The following CPLX2 variants were observed in gnomAD, a reference collection of about 807,000 sequenced individuals.
CPLX2 encodes complexin-2.
In CPLX2, 5 loss-of-function variants were observed where a neutral mutation model predicts 16.3. The observed-to-expected ratio is 0.31, with a 90% CI of 0.16 to 0.64. CPLX2 has a LOEUF of 0.64. Ranked by LOEUF, CPLX2 falls within the 30% of genes least tolerant of loss-of-function variation. The pLI, the probability that CPLX2 is intolerant of heterozygous loss-of-function variation, is 0.79. For synonymous variants in CPLX2, 89 were observed against 73.2 expected, an observed-to-expected ratio of 1.22 and a Z score of -1.10; for missense variants, 144 against 181.4, an observed-to-expected ratio of 0.79 and a Z score of 1.18.
At chr5:175,797,327 C>T (rs1373926449) in intron 1 of CPLX2, among the ~76,000 whole-genome samples, 3 of 152,122 alleles carry the variant, frequency 2.0e-5, no homozygotes, top group South Asian at 2.1e-4. Flanking sequence ...CGCGCGTCTC[C>T]GGCTTGGGTC....
At chr5:175,802,618 A>G (rs1758120534) in intron 1 of CPLX2, among the ~76,000 whole-genome samples, 1 of 152,176 alleles carries the variant, frequency 6.6e-6, no homozygotes, top group Non-Finnish European at 1.5e-5. Flanking sequence ...CTCTCACATC[A>G]GGAACACCTC....
upstream of CPLX2, among the ~76,000 whole-genome samples, chr5:175,869,216 C>T (rs1038039312): frequency 6.6e-6 from 1 of 152,226 alleles, no homozygotes; most frequent in Non-Finnish European, 1.5e-5. Flanking sequence ...AATGAAGTCA[C>T]CAAAACTTGG....
intron 1 of CPLX2, among the ~76,000 whole-genome samples, chr5:175,874,948 G>A (rs1581104551): frequency 6.6e-6 from 1 of 152,180 alleles, no homozygotes; most frequent in African/African-American, 2.4e-5. Context: ...AATTCAGGAG[G>A]AGATTCCAGA....
At chr5:175,824,106 C>T (rs1436116343) in intron 2 of CPLX2, among the ~76,000 whole-genome samples, 1 of 152,226 alleles carries the variant, frequency 6.6e-6, no homozygotes, top group Non-Finnish European at 1.5e-5. Context: ...TGGACATCCA[C>T]TCCAGGGGTC....
At position 175,849,020 on chromosome 5, in the gene CPLX2, GT is replaced by G. The variant is rs1434987621; in HGVS notation, c.-88-29631del. 6.6e-6 allele frequency among the ~76,000 whole-genome samples: 1 copy of G among 152,210 alleles called. No homozygotes were observed. The highest frequency in any genetic ancestry group is 2.4e-5 in the African/African-American group (1 of 41,444). On this transcript the variant is annotated intron_variant, in intron 2 of 4. Coordinates refer to the CPLX2 transcript ENST00000359546. This position sits in a 1 kb window ranked among gnomAD's most constrained non-coding sequence, Gnocchi z 4.4. ...AGAGTGACTGGATTGCATTCTACCT[GT>G]GCTGGTTTCTTCTAAGCCAATGGAG...
chr5:175,821,286 C>T (rs1758503754), intron 2 of CPLX2, among the ~76,000 whole-genome samples: 2 of 152,122 alleles, frequency 1.3e-5, no homozygotes, highest in African/African-American at 4.8e-5. Flanking sequence ...CAGGCCTCCA[C>T]CTTCTCTCCC....
At chr5:175,836,140 GGA>G (rs1758831809) in intron 2 of CPLX2, among the ~76,000 whole-genome samples, 1 of 152,120 alleles carries the variant, frequency 6.6e-6, no homozygotes, top group African/African-American at 2.4e-5. Flanking sequence ...CACGAGGTCA[GGA>G]GATCGAAACC....
intron 1 of CPLX2, among the ~76,000 whole-genome samples, chr5:175,874,919 C>T (rs1561791834): frequency 6.6e-6 from 1 of 152,014 alleles, no homozygotes; most frequent in Non-Finnish European, 1.5e-5. Flanking sequence ...ATGAAGACCA[C>T]AAGAGTGCTG....
At chr5:175,812,678 A>G (rs1229907273) in intron 2 of CPLX2, among the ~76,000 whole-genome samples, 2 of 152,176 alleles carry the variant, frequency 1.3e-5, no homozygotes, top group Non-Finnish European at 2.9e-5. Flanking sequence ...GCCAAGGGAC[A>G]GGGTGGTGCA....
At chr5:175,862,826 C>T (rs62387102) in intron 2 of CPLX2, among the ~76,000 whole-genome samples, 1 of 152,208 alleles carries the variant, frequency 6.6e-6, no homozygotes, top group South Asian at 2.1e-4. Context: ...ATGTGCTGAT[C>T]AGTCCAGCCC....
rs1759637235 is a variant in CPLX2 at position 175,872,045 on chromosome 5, G to A, written c.-89+340G>A. The A allele has an allele frequency of 6.6e-6, 1 of 152,310 alleles. No individual in the cohort carries two copies. The highest frequency in any genetic ancestry group is 2.1e-4 in the South Asian group (1 of 4,842). 9.4% of individuals were successfully genotyped at this position (152,310 alleles called of 1,614,324 possible). A position where few individuals can be genotyped will look rare whatever the true frequency, so the allele number is the denominator to read the frequency against. On this transcript the variant is annotated intron_variant, in intron 1 of 3. Coordinates refer to ENST00000393745, the MANE Select transcript of CPLX2 (RefSeq NM_001008220.2). This position sits in a 1 kb window ranked among gnomAD's most constrained non-coding sequence, Gnocchi z 5.0. ...CCAGGACCGCCCCGGCTGCGGCGGA[G>A]ACTCAAGTCTGAACCCAGAGAACAA...
Position 175,799,551 on chromosome 5 carries a change from TATA to T in CPLX2, c.-169+2768_-169+2770del, listed in dbSNP as rs1561766326. Among the ~76,000 whole-genome samples the T allele has an allele frequency of 9.5e-3, 1,300 of 137,094 alleles. 76 individuals are homozygous for T. The highest frequency in any genetic ancestry group is 0.035 in the African/African-American group (1,263 of 35,774). 89.9% of individuals were successfully genotyped at this position (137,094 alleles called of 152,430 possible). A position where few individuals can be genotyped will look rare whatever the true frequency, so the allele number is the denominator to read the frequency against. Reference sequence around the variant, plus strand: ...CCTTTGCAAATTTCATATATATATATATATATATATATATATATATATATAGTA... The same window carrying T: ...CCTTTGCAAATTTCATATATATATATTATATATATATATATATATATAGTA... On this transcript the variant is annotated intron_variant, in intron 1 of 4. Transcript: ENST00000359546.
chr5:175,824,135 A>G (rs1257529379), intron 2 of CPLX2, among the ~76,000 whole-genome samples: 1 of 152,186 alleles, frequency 6.6e-6, no homozygotes, highest in Admixed American at 6.5e-5. Flanking sequence ...TTCACCCTCA[A>G]GGACGCCTTT....
chr5:175,870,019 G>A (rs534853891), upstream of CPLX2, among the ~76,000 whole-genome samples: 2 of 152,324 alleles, frequency 1.3e-5, no homozygotes, highest in South Asian at 4.1e-4. Flanking sequence ...ATGACATGAT[G>A]TCAGATCTCC....
chr5:175,841,904 C>T (rs1758950922), intron 2 of CPLX2, among the ~76,000 whole-genome samples: 1 of 152,206 alleles, frequency 6.6e-6, no homozygotes. Flanking sequence ...AAAGTGTAAA[C>T]ATCCAATAAG....
At chr5:175,863,470 T>C (rs754484180) in intron 2 of CPLX2, among the ~76,000 whole-genome samples, 16 of 152,208 alleles carry the variant, frequency 1.1e-4, no homozygotes, top group Non-Finnish European at 2.2e-4. Flanking sequence ...CCTCTCTGAA[T>C]ACAAAGTGGA....
rs957191939 is a variant in CPLX2 at position 175,809,030 on chromosome 5, C to T, written c.-127C>T. On this transcript the variant is annotated 5_prime_UTR_variant, in exon 2 of 5. Transcript: ENST00000359546. The surrounding 1 kb of genome is among the most constrained non-coding windows in gnomAD (Gnocchi z 4.4). ...CCATGCTATCTGCTCTGCTCAGCGACTGAAGGTGCCCGCATCCCAGCTCTG... is the reference window on the plus strand; with the variant it reads ...CCATGCTATCTGCTCTGCTCAGCGATTGAAGGTGCCCGCATCCCAGCTCTG... The T allele has an allele frequency of 1.3e-5, 2 of 152,470 alleles. No individual in the cohort carries two copies. The highest frequency in any genetic ancestry group is 2.9e-5 in the Non-Finnish European group (2 of 68,218). 9.4% of individuals were successfully genotyped at this position (152,470 alleles called of 1,614,324 possible).
intron 2 of CPLX2, chr5:175,837,523 A>T (rs1758860444): frequency 6.6e-6 from 1 of 152,272 alleles, no homozygotes; most frequent in Non-Finnish European, 1.5e-5. Flanking sequence ...TTCTGCAGAC[A>T]GACTGGTGGC....
At position 175,877,673 on chromosome 5, in the gene CPLX2, T is replaced by C. The variant is rs114218835; in HGVS notation, c.-88-979T>C. Reference sequence around the variant, plus strand: ...CAAAGAAAATCTCAAGTTAGAGCACTAGGGTTCAGCTTCTCAGGGATGTAG... The same window carrying C: ...CAAAGAAAATCTCAAGTTAGAGCACCAGGGTTCAGCTTCTCAGGGATGTAG... On this transcript the variant is annotated intron_variant, in intron 1 of 3. Transcript: ENST00000393745. Among the ~76,000 whole-genome samples the C allele has an allele frequency of 4.4e-3, 671 of 152,278 alleles. 4 individuals carry two copies. The highest frequency in any genetic ancestry group is 0.016 in the African/African-American group (646 of 41,552).
Sources: allele counts gnomAD v4.1 joint callset (sites outside exome capture counted in the v4.1 genomes callset), GRCh38; gene constraint gnomAD v4.1.1; non-coding constraint Gnocchi (gnomAD v3.1); transcripts MANE v1.5; gene names NCBI Gene and HGNC (gene_info 2026-07-23, HGNC 2026-07-21).